Variants in SYNE1 observed in about 807,000 individuals in gnomAD.
SYNE1 encodes spectrin repeat containing nuclear envelope protein 1.
Under a neutral mutation model 1,111.0 loss-of-function variants are expected in SYNE1, and 616 were observed. The observed-to-expected ratio is 0.55, with a 90% CI of 0.52 to 0.59. The LOEUF (loss-of-function observed/expected upper bound fraction) is 0.59, where lower values mean the gene tolerates loss of function less well. Among genes scored for constraint, SYNE1 ranks in the 20% least tolerant of loss-of-function variants. The probability of loss-of-function intolerance (pLI) is 0.00; values close to 1 mark genes in which losing one functional copy is unlikely to be tolerated. For synonymous variants in SYNE1, 3,855 were observed against 3,825.8 expected (o/e 1.01, Z -0.28); for missense variants, 10,006 against 10,417.0 (o/e 0.96, Z 1.72).
intron 137 of SYNE1, chr6:152,146,620 A>ACAGTGT (rs2059561775): frequency 6.6e-6 from 1 of 152,234 alleles, no homozygotes; most frequent in South Asian, 2.1e-4. Flanking sequence ...TCTTTTTAGA[A>ACAGTGT]CAGTGTCATC....
intron 3 of SYNE1, among the ~76,000 whole-genome samples, chr6:152,618,181 G>C (rs1297500118): frequency 6.6e-6 from 1 of 152,032 alleles, no homozygotes; most frequent in Non-Finnish European, 1.5e-5. Context: ...ACTTTTTTCT[G>C]TTGAATAGTA....
chr6:152,297,777 CACTCTG>C (rs1204636061), intron 93 of SYNE1, among the ~76,000 whole-genome samples: 3 of 129,532 alleles, frequency 2.3e-5, no homozygotes, highest in South Asian at 5.3e-4. Context: ...CTGGCAGTCT[CACTCTG>C]TGTGTGTGTG....
At position 152,203,392 on chromosome 6, in the gene SYNE1, G is replaced by T. The variant is rs538607475; in HGVS notation, c.23020-1443C>A. 1.5e-3 allele frequency among the ~76,000 whole-genome samples: 234 copies of T among 152,160 alleles called. 3 individuals are homozygous for T. Among genetic ancestry groups the T allele is most frequent in the African/African-American group, 4.7e-3 (195 of 41,502 alleles). ...CAACTAAACAAGTCTCCTTCATGTT[G>T]TCCAACACTGCCCGTTTGTCAAACT... On this transcript the variant is annotated intron_variant, in intron 126 of 145. Transcript: ENST00000367255.
At chr6:152,158,375 G>A (rs2061770967) in intron 131 of SYNE1, among the ~76,000 whole-genome samples, 2 of 151,844 alleles carry the variant, frequency 1.3e-5, no homozygotes, top group South Asian at 2.1e-4. Flanking sequence ...CTCAATTTAC[G>A]CAGATACCCG....
At chr6:152,296,425 A>C (rs1226128190) in intron 93 of SYNE1, among the ~76,000 whole-genome samples, 1 of 152,246 alleles carries the variant, frequency 6.6e-6, no homozygotes, top group Admixed American at 6.5e-5. Flanking sequence ...TTTAGGAAAA[A>C]ACAATGAAGT....
intron 46 of SYNE1, among the ~76,000 whole-genome samples, chr6:152,403,541 CA>C (rs958135066): frequency 6.6e-5 from 10 of 151,988 alleles, no homozygotes; most frequent in Non-Finnish European, 1.5e-4. Flanking sequence ...GGCAACATGG[CA>C]AAACCTCCTG....
intron 72 of SYNE1, among the ~76,000 whole-genome samples, chr6:152,349,942 G>A (rs2096712697): frequency 6.6e-6 from 1 of 152,200 alleles, no homozygotes; most frequent in South Asian, 2.1e-4. Context: ...ACAAGGAACT[G>A]TAAGTCCAAC....
At chr6:152,395,300 G>T (rs1337701496) in intron 51 of SYNE1, among the ~76,000 whole-genome samples, 3 of 152,182 alleles carry the variant, frequency 2.0e-5, no homozygotes, top group Non-Finnish European at 2.9e-5. Flanking sequence ...GATCTGGAAT[G>T]CAGATGAGCT....
chr6:152,453,654 C>T lies in SYNE1; in HGVS notation c.2959G>A (p.Asp987Asn), dbSNP rs1374710512. The T allele has an allele frequency of 3.1e-6, 5 of 1,614,056 alleles. No individual in the cohort carries two copies. Among genetic ancestry groups the T allele is most frequent in the Admixed American group, 1.7e-5 (1 of 60,004 alleles). Residue 987 changes from aspartate to asparagine, a missense_variant, in exon 25 of 146, where the codon GAC (aspartate) becomes AAC (asparagine). Coordinates refer to ENST00000367255, the MANE Select transcript of SYNE1 (RefSeq NM_182961.4). ...TGCTGCTCCTGCTCTGGAAGGATGT[C>T]GGTGAGTTCATCACAAGCTTTCAGG... ...AFLKACDELT[D>N]ILPEQEQQGL...
intron 87 of SYNE1, chr6:152,316,599 T>C: frequency 2.0e-6 from 1 of 508,594 alleles, no homozygotes; most frequent in Non-Finnish European, 3.5e-6. Context: ...TCTACAAGGC[T>C]GATTGGTTTG....
chr6:152,287,760 TG>T (rs1310876631), intron 95 of SYNE1, among the ~76,000 whole-genome samples: 1 of 152,172 alleles, frequency 6.6e-6, no homozygotes, highest in African/African-American at 2.4e-5. Flanking sequence ...TTGGCCAGGC[TG>T]GTCTTGAATT....
At position 152,339,364 on chromosome 6, in the gene SYNE1, G is replaced by T; in HGVS notation, c.12228C>A (p.Val4076=). 1 of 1,613,586 alleles carries T rather than the reference G, an allele frequency of 6.2e-7. No homozygotes were observed. The highest frequency in any genetic ancestry group is 1.1e-5 in the South Asian group (1 of 91,010). ...PLSRAEAIKQ[V]KHFRALQEQA... is the part of the protein sequence containing the mutation. ...GCTCTTGCAAAGCTCTGAAGTGTTT[G>T]ACCTGGAAAAGGCAGTTATCAGAGT... Residue 4076 remains valine (V), a splice_region_variant and synonymous_variant, in exon 75 of 146, where the codon GTC becomes GTA. Coordinates refer to ENST00000367255, the MANE Select transcript of SYNE1 (RefSeq NM_182961.4).
chr6:152,439,802 T>C (rs7770926), intron 32 of SYNE1, among the ~76,000 whole-genome samples: 7,093 of 152,250 alleles, frequency 0.047, 191 homozygotes, highest in Non-Finnish European at 0.055. Context: ...ATTCAGTCTT[T>C]CTATAAACCC....
Position 152,278,341 on chromosome 6 carries a change from TC to T in SYNE1, c.18382-62del, listed in dbSNP as rs1176165782. ...CTCCCCAGCCTCTGCAAAGACTGTT[TC>T]CCACAGTGAAATACAGCCCTTTGGA... On this transcript the variant is annotated intron_variant, in intron 97 of 145. Coordinates refer to ENST00000367255, the MANE Select transcript of SYNE1 (RefSeq NM_182961.4). The T allele has an allele frequency of 1.2e-5, 19 of 1,587,788 alleles. No homozygotes were observed. The Middle Eastern group carries it at 5.0e-4, about 42-fold the overall frequency.
chr6:152,310,958 G>A, intron 87 of SYNE1, 85 bp from the exon 88 acceptor site: 1 of 1,402,450 alleles, frequency 7.1e-7, no homozygotes, highest in South Asian at 1.2e-5. Flanking sequence ...AAAATGCCCT[G>A]TGTAAGTTCT....
chr6:152,467,350 A>C (rs182778704), intron 16 of SYNE1, among the ~76,000 whole-genome samples: 56 of 152,270 alleles, frequency 3.7e-4, no homozygotes, highest in African/African-American at 1.2e-3. Context: ...AATTTACTAG[A>C]ATTTAAATTT....
rs947124421 is a variant in SYNE1 at position 152,381,340 on chromosome 6, A to G, written c.8675T>C (p.Ile2892Thr). The change falls in exon 56 of 146, where the codon ATT becomes ACT. Residue 2892 changes from isoleucine to threonine, a missense_variant. This residue lies in a region of SYNE1 where 4,955 missense variants were observed against 5,017.2 expected (regional missense o/e 0.99). Coordinates refer to ENST00000367255, the MANE Select transcript of SYNE1 (RefSeq NM_182961.4). ...CACTCTGCTGAGACGGCTTGCACCA[A>G]TCTCTCTGGAATCTATCAGCTCCTG... ...KIKELIDSRE[I>T]GASRLSRVES... is the part of the protein sequence containing the mutation. 7.4e-6 allele frequency: 12 copies of G among 1,613,712 alleles called. No homozygotes were observed. Among genetic ancestry groups the G allele is most frequent in the African/African-American group, 5.3e-5 (4 of 74,926 alleles).
At chr6:152,255,505 T>C in intron 103 of SYNE1, 86 bp downstream of exon 103, 1 of 1,454,704 alleles carries the variant, frequency 6.9e-7, no homozygotes, top group South Asian at 1.1e-5. Context: ...TGTTTGACTT[T>C]CTTTATGCAT....
chr6:152,375,082 G>A (rs1299915047), intron 58 of SYNE1, among the ~76,000 whole-genome samples: 3 of 151,698 alleles, frequency 2.0e-5, no homozygotes, highest in Non-Finnish European at 2.9e-5. Flanking sequence ...ATAGGATTAC[G>A]GGCGCCTGCC....
Sources: gnomAD v4.1 joint callset for allele counts (sites outside exome capture counted in the v4.1 genomes callset) on GRCh38, gnomAD v4.1.1 for gene constraint, gnomAD v4.1.1 regional missense constraint, MANE v1.5 for transcripts, NCBI Gene and HGNC (gene_info 2026-07-23, HGNC 2026-07-21) for gene names.